SMAP2: variants seen among roughly 807,000 people sequenced by gnomAD.
SMAP2 encodes the protein stromal membrane-associated protein 2.
In SMAP2, 25 loss-of-function variants were observed where a neutral mutation model predicts 56.4. That is an observed-to-expected ratio of 0.44 (90% confidence interval 0.32 to 0.62). SMAP2 has a LOEUF of 0.62. SMAP2 is among the 20% of genes least tolerant of loss of function. The pLI, the probability that SMAP2 is intolerant of heterozygous loss-of-function variation, is 0.04. For missense variants in SMAP2, 388 were observed against 545.6 expected (o/e 0.71, Z 2.88); for synonymous variants, 157 against 181.7 (o/e 0.86, Z 1.09).
At chr1:40,384,570 T>C (rs1644635053) in intron 1 of SMAP2, among the ~76,000 whole-genome samples, 2 of 152,214 alleles carry the variant, frequency 1.3e-5, no homozygotes, top group South Asian at 4.1e-4. Flanking sequence ...GCTATATTAA[T>C]GGAATTGGTG....
intron 1 of SMAP2, among the ~76,000 whole-genome samples, chr1:40,398,622 C>T (rs770660744): frequency 1.3e-5 from 2 of 151,952 alleles, no homozygotes; most frequent in Non-Finnish European, 2.9e-5. Context: ...TGTACTTGAC[C>T]TGTTTTTTCC....
chr1:40,372,718 A>G (rs1644504764), upstream of SMAP2, among the ~76,000 whole-genome samples: 1 of 152,226 alleles, frequency 6.6e-6, no homozygotes, highest in African/African-American at 2.4e-5. Flanking sequence ...GTTTCACCAG[A>G]GTTTAGATAA....
intron 1 of SMAP2, among the ~76,000 whole-genome samples, chr1:40,388,238 C>T (rs1009257134): frequency 3.9e-5 from 6 of 152,336 alleles, no homozygotes; most frequent in South Asian, 2.1e-4. Flanking sequence ...GGTGTGTGGG[C>T]GCACAGCGCG....
chr1:40,398,554 TTAA>T (rs1212195225), intron 1 of SMAP2, among the ~76,000 whole-genome samples: 2 of 152,276 alleles, frequency 1.3e-5, no homozygotes, highest in African/African-American at 4.8e-5. Flanking sequence ...ATGTAACCTA[TTAA>T]TGTTTCTAAT....
intron 1 of SMAP2, among the ~76,000 whole-genome samples, chr1:40,397,597 A>G (rs954922991): frequency 1.3e-5 from 2 of 152,172 alleles, no homozygotes; most frequent in African/African-American, 4.8e-5. Context: ...TGACGAATTC[A>G]TTTAACACAC....
At chr1:40,390,983 A>G (rs754718130) in intron 1 of SMAP2, among the ~76,000 whole-genome samples, 17 of 152,182 alleles carry the variant, frequency 1.1e-4, no homozygotes, top group Non-Finnish European at 1.9e-4. Context: ...GGATTTCTCA[A>G]CCTCAGACTA....
chr1:40,352,216 T>C (rs192486254), intron 1 of SMAP2, among the ~76,000 whole-genome samples: 1 of 152,172 alleles, frequency 6.6e-6, no homozygotes, highest in Admixed American at 6.6e-5. Flanking sequence ...CAGGATAAGA[T>C]GCCCTCCAAG....
intron 1 of SMAP2, among the ~76,000 whole-genome samples, chr1:40,351,369 C>T (rs1367262087): frequency 6.6e-6 from 1 of 152,164 alleles, no homozygotes; most frequent in African/African-American, 2.4e-5. Context: ...AGAATCTCAG[C>T]TCTGGTCTGA....
intron 1 of SMAP2, chr1:40,344,957 C>A (rs75101732): frequency 1.0e-5 from 1 of 99,414 alleles, no homozygotes; most frequent in Non-Finnish European, 2.3e-5. Flanking sequence ...TCTTTTTTTT[C>A]TTTTCTTTCT....
intron 2 of SMAP2, among the ~76,000 whole-genome samples, chr1:40,366,139 G>A (rs935464802): frequency 3.3e-5 from 5 of 151,798 alleles, no homozygotes; most frequent in Admixed American, 6.6e-5. Context: ...AAGCGAGAAG[G>A]GAAGTTTAGA....
intron 6 of SMAP2, among the ~76,000 whole-genome samples, chr1:40,415,063 C>T (rs1644973597): frequency 6.6e-6 from 1 of 152,188 alleles, no homozygotes; most frequent in Non-Finnish European, 1.5e-5. Flanking sequence ...TGCCCTGTGC[C>T]TGATAGCTGG....
At chr1:40,363,474 T>C (rs1015725802) in intron 2 of SMAP2, among the ~76,000 whole-genome samples, 1 of 152,082 alleles carries the variant, frequency 6.6e-6, no homozygotes, top group African/African-American at 2.4e-5. Flanking sequence ...TTTAAAACTA[T>C]GTGCATGTTT....
At position 40,359,291 on chromosome 1, in the gene SMAP2, C is replaced by T. The variant is rs113323290; in HGVS notation, c.-82-3009C>T. Among the ~76,000 whole-genome samples the T allele has an allele frequency of 1.6e-4, 25 of 152,244 alleles. 1 individual carries two copies. Among genetic ancestry groups the T allele is most frequent in the African/African-American group, 3.6e-4 (15 of 41,540 alleles). On this transcript the variant is annotated intron_variant, in intron 1 of 6. Transcript: ENST00000435168. ...CTAATTTTTGTATTTTTAGTAGAGA[C>T]GGGGTTTCCCCATGTTGTCCAGGCT...
chr1:40,384,969 C>T (rs1644639242), intron 1 of SMAP2, among the ~76,000 whole-genome samples: 1 of 152,150 alleles, frequency 6.6e-6, no homozygotes, highest in African/African-American at 2.4e-5. Context: ...TTCCCTACCC[C>T]ACTCTTCTGG....
At chr1:40,353,117 A>G (rs896505798) in intron 1 of SMAP2, among the ~76,000 whole-genome samples, 2 of 152,182 alleles carry the variant, frequency 1.3e-5, no homozygotes, top group East Asian at 3.9e-4. Context: ...TGTCCTTTGC[A>G]GTTAGAGGCT....
At chr1:40,400,806 A>G in intron 1 of SMAP2, among the ~76,000 whole-genome samples, 1 of 43,934 alleles carries the variant, frequency 2.3e-5, no homozygotes, top group South Asian at 1.0e-3. Context: ...TTTGTGTTTT[A>G]GAAAGATTAT....
chr1:40,375,289 T>A (rs1644530760), intron 1 of SMAP2, among the ~76,000 whole-genome samples: 1 of 152,220 alleles, frequency 6.6e-6, no homozygotes, highest in Non-Finnish European at 1.5e-5. Flanking sequence ...ACAATTTACT[T>A]TTGTTCATAA....
At chr1:40,381,526 C>T (rs192198981) in intron 1 of SMAP2, among the ~76,000 whole-genome samples, 2 of 152,030 alleles carry the variant, frequency 1.3e-5, no homozygotes, top group South Asian at 2.1e-4. Flanking sequence ...TGCAAAGCCT[C>T]GAAGGTGCAC....
chr1:40,389,015 G>T (rs1644690089), intron 1 of SMAP2, among the ~76,000 whole-genome samples: 1 of 152,004 alleles, frequency 6.6e-6, no homozygotes, highest in Non-Finnish European at 1.5e-5. Flanking sequence ...CCACCAGAAG[G>T]AAGAAACTCC....
Sources: allele counts gnomAD v4.1 joint callset (sites outside exome capture counted in the v4.1 genomes callset), GRCh38; gene constraint gnomAD v4.1.1; transcripts MANE v1.5; gene names NCBI Gene and HGNC (gene_info 2026-07-23, HGNC 2026-07-21).